The following CFAP95 variants were observed in gnomAD, a reference collection of about 807,000 sequenced individuals.
CFAP95 encodes cilia- and flagella-associated protein 95.
chr9:69,871,630 T>C, the CFAP95 span, among the ~76,000 whole-genome samples: 1 of 149,798 alleles, frequency 6.7e-6, no homozygotes, highest in African/African-American at 2.5e-5. Flanking sequence ...ATTACGGGGG[T>C]AAAGCAGACT....
the CFAP95 span, among the ~76,000 whole-genome samples, chr9:69,842,042 A>G: frequency 6.6e-6 from 1 of 152,292 alleles, no homozygotes; most frequent in East Asian, 1.9e-4. Flanking sequence ...ACTGCTGAAG[A>G]TTGGGTCTCC....
the CFAP95 span, among the ~76,000 whole-genome samples, chr9:69,853,087 T>A: frequency 6.6e-6 from 1 of 152,180 alleles, no homozygotes; most frequent in East Asian, 1.9e-4. Flanking sequence ...GTCAGAGGAA[T>A]ATACTTTCTG....
the CFAP95 span, among the ~76,000 whole-genome samples, chr9:69,863,752 G>C: frequency 1.3e-5 from 2 of 152,086 alleles, no homozygotes; most frequent in African/African-American, 4.8e-5. Flanking sequence ...ATCCAATTTT[G>C]AAAGGGAGAT....
chr9:69,824,146 A>C, the CFAP95 span, among the ~76,000 whole-genome samples: 2 of 152,200 alleles, frequency 1.3e-5, no homozygotes, highest in African/African-American at 4.8e-5. Context: ...AAAAGAAATG[A>C]TTATAAGAAG....
At chr9:69,901,721 G>A in the CFAP95 span, among the ~76,000 whole-genome samples, 1 of 152,100 alleles carries the variant, frequency 6.6e-6, no homozygotes, top group Non-Finnish European at 1.5e-5. Context: ...AGGTGGCTGG[G>A]TCAAATGGTA....
At chr9:69,902,077 A>G in the CFAP95 span, among the ~76,000 whole-genome samples, 118 of 152,326 alleles carry the variant, frequency 7.7e-4, no homozygotes, top group Middle Eastern at 3.4e-3. Context: ...CAGAATCTAC[A>G]AAGAGATCCT....
At chr9:69,866,404 C>T in the CFAP95 span, among the ~76,000 whole-genome samples, 1 of 152,186 alleles carries the variant, frequency 6.6e-6, no homozygotes, top group Non-Finnish European at 1.5e-5. Flanking sequence ...TGGTTCAATT[C>T]TGAAAGCCTG....
chr9:69,851,575 C>A, the CFAP95 span, among the ~76,000 whole-genome samples: 185 of 152,064 alleles, frequency 1.2e-3, 1 homozygote, highest in African/African-American at 4.0e-3. Flanking sequence ...CTAGAAGAGC[C>A]TTTTGTGTTT....
chr9:69,895,048 G>A, the CFAP95 span, among the ~76,000 whole-genome samples: 1 of 151,678 alleles, frequency 6.6e-6, no homozygotes, highest in Admixed American at 6.6e-5. Flanking sequence ...TTAATTTTCT[G>A]TGTTAACTTA....
the CFAP95 span, among the ~76,000 whole-genome samples, chr9:69,898,823 G>A: frequency 2.0e-5 from 3 of 152,026 alleles, no homozygotes; most frequent in African/African-American, 7.3e-5. Flanking sequence ...TTTTACTGAT[G>A]TCATCTTAAA....
chr9:69,821,209 G>A, the CFAP95 span, among the ~76,000 whole-genome samples: 1 of 151,740 alleles, frequency 6.6e-6, no homozygotes, highest in East Asian at 1.9e-4. Context: ...GAAATGAGAA[G>A]AAAGGTGAGA....
At chr9:69,896,001 T>C in the CFAP95 span, among the ~76,000 whole-genome samples, 1 of 152,202 alleles carries the variant, frequency 6.6e-6, no homozygotes, top group African/African-American at 2.4e-5. Flanking sequence ...TGAAGCTAAG[T>C]TCTGCTTCAG....
the CFAP95 span, among the ~76,000 whole-genome samples, chr9:69,853,585 A>G: frequency 6.6e-6 from 1 of 152,200 alleles, no homozygotes; most frequent in South Asian, 2.1e-4. Flanking sequence ...AGCCCAAAAG[A>G]CTTTTAAACA....
the CFAP95 span, chr9:69,884,601 C>T: frequency 6.6e-6 from 1 of 152,064 alleles, no homozygotes; most frequent in South Asian, 2.1e-4. Context: ...ACCCTCCTGC[C>T]TCAACCTCCT....
At chr9:69,829,684 C>T in the CFAP95 span, among the ~76,000 whole-genome samples, 5 of 152,106 alleles carry the variant, frequency 3.3e-5, no homozygotes, top group Non-Finnish European at 7.4e-5. Flanking sequence ...TTTCTTTTAC[C>T]TTACTGACTA....
the CFAP95 span, among the ~76,000 whole-genome samples, chr9:69,903,344 G>T: frequency 3.9e-5 from 6 of 152,204 alleles, no homozygotes; most frequent in African/African-American, 1.4e-4. Context: ...TTGAGAATGA[G>T]ATGCCACTAT....
chr9:69,887,550 A>G, the CFAP95 span, among the ~76,000 whole-genome samples: 4 of 152,252 alleles, frequency 2.6e-5, no homozygotes, highest in Non-Finnish European at 5.9e-5. Context: ...AACAGTTAAT[A>G]AATTATAAAA....
At chr9:69,827,629 G>A in the CFAP95 span, among the ~76,000 whole-genome samples, 1 of 152,112 alleles carries the variant, frequency 6.6e-6, no homozygotes, top group African/African-American at 2.4e-5. Context: ...TCTATCGTAG[G>A]TCCTTGTCCT....
chr9:69,840,687 T>C, the CFAP95 span, among the ~76,000 whole-genome samples: 1 of 152,246 alleles, frequency 6.6e-6, no homozygotes, highest in East Asian at 1.9e-4. Context: ...TTTGGGTCTA[T>C]ATATTTTACT....
Sources: allele counts gnomAD v4.1 joint callset (sites outside exome capture counted in the v4.1 genomes callset), GRCh38; gene constraint gnomAD v4.1.1; transcripts MANE v1.5; gene names NCBI Gene and HGNC (gene_info 2026-07-23, HGNC 2026-07-21).